CXCL13: variants seen among roughly 807,000 people sequenced by gnomAD.
CXCL13 encodes C-X-C motif chemokine 13.
In CXCL13, 7 loss-of-function variants were observed where a neutral mutation model predicts 12.2. That is an observed-to-expected ratio of 0.57 (90% CI 0.33 to 1.07). CXCL13 has a LOEUF of 1.07. CXCL13 is among the 50% of genes least tolerant of loss of function. CXCL13 has a pLI of 0.04. For synonymous variants in CXCL13, 47 were observed against 42.4 expected, an observed-to-expected ratio of 1.11 and a Z score of -0.42; for missense variants, 113 against 127.4, an observed-to-expected ratio of 0.89 and a Z score of 0.55.
intron 1 of CXCL13, among the ~76,000 whole-genome samples, chr4:77,547,677 C>G (rs1177819687): frequency 1.3e-5 from 2 of 152,056 alleles, no homozygotes; most frequent in Non-Finnish European, 2.9e-5. Flanking sequence ...TGGGTCTTGA[C>G]TCTTTATCCA....
chr4:77,517,444 G>A (rs937176185), intron 1 of CXCL13, among the ~76,000 whole-genome samples: 2 of 152,166 alleles, frequency 1.3e-5, no homozygotes, highest in Non-Finnish European at 2.9e-5. Flanking sequence ...GGGAGTCTAA[G>A]TCTCTTTGTA....
chr4:77,592,213 A>C (rs1168263111), intron 1 of CXCL13, among the ~76,000 whole-genome samples: 1 of 152,252 alleles, frequency 6.6e-6, no homozygotes, highest in Non-Finnish European at 1.5e-5. Context: ...TAAATGAATA[A>C]AGAATATGTG....
At chr4:77,589,993 G>A (rs188892778) in intron 1 of CXCL13, among the ~76,000 whole-genome samples, 17 of 152,110 alleles carry the variant, frequency 1.1e-4, no homozygotes, top group South Asian at 2.1e-4. Context: ...CCCATATGCC[G>A]CAAGTACGTG....
At chr4:77,557,727 C>G (rs986347475) in intron 1 of CXCL13, among the ~76,000 whole-genome samples, 2 of 152,210 alleles carry the variant, frequency 1.3e-5, no homozygotes, top group Non-Finnish European at 2.9e-5. Flanking sequence ...TTTCTACTGA[C>G]AGCCTGGCCT....
At chr4:77,515,592 G>C (rs1292924314) in intron 1 of CXCL13, among the ~76,000 whole-genome samples, 2 of 152,144 alleles carry the variant, frequency 1.3e-5, no homozygotes, top group African/African-American at 2.4e-5. Flanking sequence ...GTTCACTCAT[G>C]ATTTGGCTCT....
intron 1 of CXCL13, among the ~76,000 whole-genome samples, chr4:77,597,568 G>A (rs1726792868): frequency 2.0e-5 from 3 of 152,084 alleles, no homozygotes; most frequent in Non-Finnish European, 2.9e-5. Flanking sequence ...TGTTTTAAGA[G>A]CTAAAGTAAA....
At chr4:77,576,410 AT>A (rs1158659469) in intron 1 of CXCL13, among the ~76,000 whole-genome samples, 1 of 152,204 alleles carries the variant, frequency 6.6e-6, no homozygotes, top group African/African-American at 2.4e-5. Flanking sequence ...CTTCTCCAGA[AT>A]TTGGAAACTA....
At chr4:77,577,406 GAAGCCCT>G (rs910288347) in intron 1 of CXCL13, among the ~76,000 whole-genome samples, 5 of 151,946 alleles carry the variant, frequency 3.3e-5, no homozygotes, top group African/African-American at 1.2e-4. Flanking sequence ...GCTTTGAGTT[GAAGCCCT>G]AAGAAAGAAA....
At chr4:77,575,967 A>T (rs1726188528) in intron 1 of CXCL13, among the ~76,000 whole-genome samples, 1 of 151,930 alleles carries the variant, frequency 6.6e-6, no homozygotes. Flanking sequence ...AACCACAGAG[A>T]TAACCAAATT....
chr4:77,603,541 C>A (rs566809862), upstream of CXCL13, among the ~76,000 whole-genome samples: 8 of 152,112 alleles, frequency 5.3e-5, no homozygotes, highest in Non-Finnish European at 1.2e-4. Context: ...TTATGAGGAA[C>A]AATGGAAAAG....
chr4:77,559,442 A>G (rs1007171704), intron 1 of CXCL13, among the ~76,000 whole-genome samples: 3 of 152,182 alleles, frequency 2.0e-5, no homozygotes, highest in Non-Finnish European at 4.4e-5. Flanking sequence ...TTGGATGTGG[A>G]CGACCTTGAG....
chr4:77,598,596 G>A (rs1162692022), intron 1 of CXCL13, among the ~76,000 whole-genome samples: 1 of 152,180 alleles, frequency 6.6e-6, no homozygotes. Context: ...ACAAAAAGAT[G>A]TTATGGAATC....
At chr4:77,518,546 C>T (rs1325385418) in intron 1 of CXCL13, among the ~76,000 whole-genome samples, 1 of 152,142 alleles carries the variant, frequency 6.6e-6, no homozygotes, top group Non-Finnish European at 1.5e-5. Context: ...TCATTCATTT[C>T]ATCTTCCATT....
At chr4:77,570,906 C>T (rs961906366) in intron 1 of CXCL13, among the ~76,000 whole-genome samples, 21 of 152,020 alleles carry the variant, frequency 1.4e-4, no homozygotes, top group Admixed American at 1.4e-3. Context: ...TCCCATGGGG[C>T]AGGCCTCGGG....
At chr4:77,565,596 G>A (rs1725909251) in intron 1 of CXCL13, among the ~76,000 whole-genome samples, 1 of 152,150 alleles carries the variant, frequency 6.6e-6, no homozygotes. Flanking sequence ...TTTCAGGTAG[G>A]AGCCAGAATT....
chr4:77,562,420 C>T (rs933398488), intron 1 of CXCL13, among the ~76,000 whole-genome samples: 12 of 151,964 alleles, frequency 7.9e-5, no homozygotes, highest in Non-Finnish European at 1.2e-4. Flanking sequence ...CTAGTGGGGA[C>T]GTGGAGAACC....
Position 77,555,679 on chromosome 4 carries a change from C to T in CXCL13, c.-43+43891C>T, listed in dbSNP as rs1038668822. Among the ~76,000 whole-genome samples, 9 of 152,082 alleles carry T rather than the reference C, an allele frequency of 5.9e-5. No homozygotes were observed. In the East Asian group the frequency reaches 1.7e-3, roughly 29 times the overall value. On this transcript the variant is annotated intron_variant, in intron 1 of 4. Transcript: ENST00000286758. ...TAAACATTCCATATTTCAAAAGTCA[C>T]CTTTAAAAAATAAAACAAGCCCCAA... is the stretch of plus-strand genomic sequence containing the variant.
intron 1 of CXCL13, among the ~76,000 whole-genome samples, chr4:77,516,085 G>A (rs528309324): frequency 7.2e-5 from 11 of 152,218 alleles, no homozygotes; most frequent in Admixed American, 5.9e-4. Context: ...TTCGTCTTTG[G>A]TTCTGTTTAT....
At chr4:77,514,598 TG>T (rs1724368334) in intron 1 of CXCL13, among the ~76,000 whole-genome samples, 1 of 148,314 alleles carries the variant, frequency 6.7e-6, no homozygotes, top group Admixed American at 6.8e-5. Flanking sequence ...GCTGCATAAA[TG>T]TCTTCTTTTG....
Sources: gnomAD v4.1 joint callset for allele counts (sites outside exome capture counted in the v4.1 genomes callset) on GRCh38, gnomAD v4.1.1 for gene constraint, MANE v1.5 for transcripts, NCBI Gene and HGNC (gene_info 2026-07-23, HGNC 2026-07-21) for gene names.